ACAA1: variants seen among roughly 807,000 people sequenced by gnomAD.
ACAA1 encodes acetyl-CoA acyltransferase 1, also known as 3-ketoacyl-CoA thiolase, peroxisomal.
A neutral mutation model predicts 48.8 loss-of-function variants in ACAA1; 44 were observed. The ratio of observed to expected loss-of-function variants is 0.90; its 90% CI spans 0.71 to 1.16. The LOEUF (loss-of-function observed/expected upper bound fraction) is 1.16. Among genes scored for constraint, ACAA1 ranks in the 50% most tolerant of loss-of-function variants. ACAA1 has a pLI of 0.00. For synonymous variants in ACAA1, 233 were observed against 226.5 expected, an observed-to-expected ratio of 1.03 and a Z score of -0.26; for missense variants, 512 against 562.3, an observed-to-expected ratio of 0.91 and a Z score of 0.90.
chr3:38,133,712 T>C, intron 3 of ACAA1: 1 of 551,224 alleles, frequency 1.8e-6, no homozygotes, highest in Non-Finnish European at 3.3e-6. Flanking sequence ...CAACCTGGCT[T>C]TGGCTAAAAA....
chr3:38,128,956 G>A (rs1049451780), intron 6 of ACAA1, among the ~76,000 whole-genome samples: 6 of 152,174 alleles, frequency 3.9e-5, no homozygotes, highest in African/African-American at 1.2e-4. Flanking sequence ...ATGTTCTGTC[G>A]TCACAAGCTT....
chr3:38,136,655 C>T lies in ACAA1; in HGVS notation c.202G>A (p.Val68Ile), dbSNP rs771023034. 21 of 1,613,788 alleles carry T rather than the reference C, an allele frequency of 1.3e-5. No individual in the cohort carries two copies. In the African/African-American group the frequency reaches 1.5e-4, roughly 11 times the overall value. The change falls in exon 2 of 12, where the codon GTC becomes ATC. Residue 68 changes from valine to isoleucine, a missense_variant. Transcript: ENST00000333167. ...DTTPDELLSA[V>I]MTAVLKDVNL... The stretch of plus-strand genomic sequence containing the variant: ...ACGTCCTTGAGAACCGCGGTCATGA[C>T]TGCCGAGAGAAGCTCGTCGGGGGTG...
chr3:38,128,930 A>G (rs1286704716), intron 6 of ACAA1, among the ~76,000 whole-genome samples: 1 of 152,132 alleles, frequency 6.6e-6, no homozygotes, highest in Non-Finnish European at 1.5e-5. Context: ...GACAGGGCCC[A>G]ATTCCCCTCA....
chr3:38,126,828 G>A lies in ACAA1; in HGVS notation c.627-128C>T. 8.9e-7 allele frequency: 1 copy of A among 1,118,898 alleles called. No homozygotes were observed. Among genetic ancestry groups the A allele is most frequent in the Non-Finnish European group, 1.3e-6 (1 of 782,044 alleles). 69.3% of individuals were successfully genotyped at this position (1,118,898 alleles called of 1,614,324 possible). A position where few individuals can be genotyped will look rare whatever the true frequency, so the allele number is the denominator to read the frequency against. ...ATTCAGGGACATGCTCGACTTTGGG[G>A]GAGCTCTGAGGGCATGGCTAAGGCC... On this transcript the variant is annotated intron_variant, in intron 7 of 11. Transcript: ENST00000333167. This position sits in a 1 kb window ranked among gnomAD's most constrained non-coding sequence, Gnocchi z 4.7.
Position 38,126,425 on chromosome 3 carries a change from C to T in ACAA1, c.818-84G>A, listed in dbSNP as rs1351699033. 6.2e-7 allele frequency: 1 copy of T among 1,608,312 alleles called. No homozygotes were observed. The highest frequency in any genetic ancestry group is 2.2e-5 in the East Asian group (1 of 44,780). On this transcript the variant is annotated intron_variant, in intron 8 of 11. Coordinates refer to ENST00000333167, the MANE Select transcript of ACAA1 (RefSeq NM_001607.4). This position sits in a 1 kb window ranked among gnomAD's most constrained non-coding sequence, Gnocchi z 4.7. ...CTCCCACTTCTACTTTGCAGAGGGG[C>T]CTGGTCTATTCCAGGTTCCCAGAGT...
At chr3:38,123,909 A>C (rs1209351258) in intron 11 of ACAA1, 1 of 151,708 alleles carries the variant, frequency 6.6e-6, no homozygotes, top group Non-Finnish European at 1.5e-5. Context: ...GCTGAGGCTG[A>C]GGCAGGAAAA....
chr3:38,133,253 C>T (rs1379286506), intron 3 of ACAA1, among the ~76,000 whole-genome samples: 2 of 152,034 alleles, frequency 1.3e-5, no homozygotes, highest in East Asian at 1.9e-4. Context: ...GCCGGCTGAA[C>T]GAAGAAAAGT....
In ACAA1 at chr3:38,135,299, GAAAA is replaced by G. The variant is rs1014556444; in HGVS notation, c.265+1289_266-1291del. The G allele has an allele frequency of 7.2e-4, 110 of 152,292 alleles. 1 individual carries two copies. Among genetic ancestry groups the G allele is most frequent in the African/African-American group, 2.6e-3 (106 of 41,554 alleles). 9.4% of individuals were successfully genotyped at this position (152,292 alleles called of 1,614,324 possible). A position where few individuals can be genotyped will look rare whatever the true frequency, so the allele number is the denominator to read the frequency against. On this transcript the variant is annotated intron_variant, in intron 2 of 11. Transcript: ENST00000333167. ...TCGCAAGGTGGAGACGAGAAACTGA[GAAAA>G]GAAATGACACAGAGACAAAGTATAG...
chr3:38,132,217 G>A (rs1575264889), intron 3 of ACAA1: 2 of 410,592 alleles, frequency 4.9e-6, no homozygotes, highest in Non-Finnish European at 9.1e-6. Flanking sequence ...TGCTCCCCAG[G>A]GCCCCACAAG....
rs1166246761 is a variant in ACAA1, at chr3:38,122,748, T to G, written c.*299A>C. 1 of 1,276,448 alleles carries G rather than the reference T, an allele frequency of 7.8e-7. No homozygotes were observed. Among genetic ancestry groups the G allele is most frequent in the Non-Finnish European group, 1.0e-6 (1 of 964,768 alleles). 79.1% of individuals were successfully genotyped at this position (1,276,448 alleles called of 1,614,324 possible). On this transcript the variant is annotated 3_prime_UTR_variant, in exon 12 of 12. Coordinates refer to ENST00000333167, the MANE Select transcript of ACAA1 (RefSeq NM_001607.4). ...TGCACTTTTACTATGCCCATTGCAC[T>G]TCTCATCCATGGATTTGCCTTGCCT...
intron 7 of ACAA1, 121 bp downstream of exon 7, chr3:38,127,665 A>T: frequency 1.0e-6 from 1 of 968,172 alleles, no homozygotes; most frequent in Non-Finnish European, 1.6e-6. Flanking sequence ...GGGTGGCACA[A>T]GGCCTGGAAA....
chr3:38,133,668 G>C (rs1402344747), intron 3 of ACAA1: 1 of 469,222 alleles, frequency 2.1e-6, no homozygotes, highest in Non-Finnish European at 3.8e-6. Context: ...CCTGACAAAT[G>C]AGGACAGAGT....
In ACAA1 at chr3:38,137,054, A is replaced by C. The variant is rs750648752; in HGVS notation, c.-19T>G. 3.9e-6 allele frequency: 6 copies of C among 1,539,496 alleles called. No individual in the cohort carries two copies. In the African/African-American group the frequency reaches 5.7e-5, roughly 15 times the overall value. On this transcript the variant is annotated 5_prime_UTR_variant, in exon 1 of 12. Coordinates refer to ENST00000333167, the MANE Select transcript of ACAA1 (RefSeq NM_001607.4). Reference sequence around the variant, plus strand: ...TCTGCATTGCGCAGGTCAACCCTGCAGACCAGCCACCAGTCCGGGAACTGA... The same window carrying C: ...TCTGCATTGCGCAGGTCAACCCTGCCGACCAGCCACCAGTCCGGGAACTGA...
At chr3:38,125,416 T>TTTTGGGATTTCAACA (rs1344373299) in intron 11 of ACAA1, 149 bp downstream of exon 11, 12 of 1,005,280 alleles carry the variant, frequency 1.2e-5, no homozygotes, top group Non-Finnish European at 1.7e-5. Context: ...GACTTTGATC[T>TTTTGGGATTTCAACA]TTTGGGATTT....
Position 38,125,621 on chromosome 3 carries a change from G to A in ACAA1, c.1143C>T (p.Cys381=). 3 of 1,598,610 alleles carry A rather than the reference G, an allele frequency of 1.9e-6. No individual in the cohort carries two copies. Among genetic ancestry groups the A allele is most frequent in the Non-Finnish European group, 2.6e-6 (3 of 1,171,502 alleles). ...GCGTGATGACCTGTCGTGCCCCAGTGCAGCCCAGTGGGTGCCCTAAGGCCA... is the reference window on the plus strand; with the variant it reads ...GCGTGATGACCTGTCGTGCCCCAGTACAGCCCAGTGGGTGCCCTAAGGCCA... The part of the protein sequence containing the change: ...GAVALGHPLG[C]TGARQVITLL... Residue 381 remains cysteine (C), a synonymous_variant, in exon 11 of 12, where the codon TGC becomes TGT. Coordinates refer to ENST00000333167, the MANE Select transcript of ACAA1 (RefSeq NM_001607.4).
chr3:38,127,953 G>A, intron 6 of ACAA1, 87 bp from the exon 7 acceptor site: 1 of 1,372,894 alleles, frequency 7.3e-7, no homozygotes, highest in Non-Finnish European at 1.0e-6. Flanking sequence ...TGGAACTTTG[G>A]GTTCCCAAGG....
rs761691249 is a variant in ACAA1 at position 38,125,651 on chromosome 3, A to AC, written c.1112dup (p.Ala372CysfsTer22). ...CCAGTGGGTGCCCTAAGGCCACTGC[A>AC]CCCCCCAGGGGGTTCACCTTCTCAG... On this transcript the variant is annotated frameshift_variant, in exon 11 of 12. Coordinates refer to ENST00000333167, the MANE Select transcript of ACAA1 (RefSeq NM_001607.4). LOFTEE classifies it high-confidence loss of function. 14 of 1,597,498 alleles carry AC rather than the reference A, an allele frequency of 8.8e-6. No individual in the cohort carries two copies. The East Asian group carries it at 2.2e-4, about 26-fold the overall frequency.
At chr3:38,136,801 C>G (rs961335542) in intron 1 of ACAA1, 64 bp downstream of exon 1, 4 of 1,484,052 alleles carry the variant, frequency 2.7e-6, no homozygotes, top group African/African-American at 2.9e-5. Context: ...ACCAAACATA[C>G]GAACCGGACC....
In ACAA1 at chr3:38,133,962, G is replaced by A. The variant is rs1340762162; in HGVS notation, c.313C>T (p.Gln105Ter). ...GAGAIMARIA[Q>*]FLSDIPETVP... ...ACTAGAAAAGTTTACCTCAGAAACT[G>A]GGCGATTCGGGCCATGATTGCCCCG... Residue 105 changes from glutamine to a stop codon, truncating the protein, a stop_gained, in exon 3 of 12, where the codon CAG becomes TAG. Transcript: ENST00000333167. LOFTEE classifies it high-confidence loss of function. 1.9e-6 allele frequency: 3 copies of A among 1,614,066 alleles called. No individual in the cohort carries two copies.
Sources: gnomAD v4.1 joint callset for allele counts (sites outside exome capture counted in the v4.1 genomes callset) on GRCh38, gnomAD v4.1.1 for gene constraint, Gnocchi (gnomAD v3.1) non-coding constraint, MANE v1.5 for transcripts, NCBI Gene and HGNC (gene_info 2026-07-23, HGNC 2026-07-21) for gene names.